Variants in NEK10 observed in about 807,000 individuals in gnomAD.
NEK10 encodes the protein serine/threonine-protein kinase Nek10.
NEK10 carries 122 observed loss-of-function variants against 159.8 expected under a neutral mutation model. That is an observed-to-expected ratio of 0.76 (90% CI 0.66 to 0.89). NEK10 has a LOEUF of 0.89. Among genes scored for constraint, NEK10 ranks in the 40% least tolerant of loss-of-function variants. NEK10 has a pLI of 0.00. For synonymous variants in NEK10, 466 were observed against 457.1 expected, an observed-to-expected ratio of 1.02 and a Z score of -0.25; for missense variants, 1,342 against 1,323.1, an observed-to-expected ratio of 1.01 and a Z score of -0.22.
intron 35 of NEK10, among the ~76,000 whole-genome samples, chr3:27,112,176 G>C (rs989974505): frequency 4.6e-5 from 7 of 152,150 alleles, no homozygotes; most frequent in Non-Finnish European, 8.8e-5. Flanking sequence ...GTCTCCTCAT[G>C]ATTTAAACAG....
intron 1 of NEK10, among the ~76,000 whole-genome samples, chr3:27,354,959 G>A (rs2048228766): frequency 6.6e-6 from 1 of 152,106 alleles, no homozygotes; most frequent in South Asian, 2.1e-4. Context: ...AAGACATACA[G>A]AATCTAGCTG....
chr3:27,170,871 C>T (rs1412184906), intron 29 of NEK10, among the ~76,000 whole-genome samples: 1 of 152,182 alleles, frequency 6.6e-6, no homozygotes, highest in Non-Finnish European at 1.5e-5. Flanking sequence ...CAGGCCCACT[C>T]CTCTGGCTCT....
chr3:27,362,601 C>CAT (rs1249000264), intron 1 of NEK10, among the ~76,000 whole-genome samples: 3 of 148,538 alleles, frequency 2.0e-5, no homozygotes, highest in African/African-American at 7.4e-5. Context: ...TGGTTTTTGC[C>CAT]ATTACTTTCA....
At chr3:27,155,050 TAA>T (rs2148769894) in intron 30 of NEK10, among the ~76,000 whole-genome samples, 1 of 152,270 alleles carries the variant, frequency 6.6e-6, no homozygotes, top group South Asian at 2.1e-4. Context: ...TTGAAAACCC[TAA>T]AGACTCCTCC....
chr3:27,166,714 C>G (rs1946518518), intron 29 of NEK10, among the ~76,000 whole-genome samples: 1 of 152,164 alleles, frequency 6.6e-6, no homozygotes, highest in Non-Finnish European at 1.5e-5. Flanking sequence ...AATCCTACCA[C>G]TTTGGGAGGC....
At chr3:27,159,373 A>G (rs1350648681) in intron 30 of NEK10, among the ~76,000 whole-genome samples, 1 of 152,166 alleles carries the variant, frequency 6.6e-6, no homozygotes, top group Non-Finnish European at 1.5e-5. Context: ...TACAGAAATA[A>G]TAACAACTTT....
intron 5 of NEK10, among the ~76,000 whole-genome samples, chr3:27,332,180 T>A (rs1024386887): frequency 2.6e-5 from 4 of 152,206 alleles, no homozygotes; most frequent in African/African-American, 7.2e-5. Flanking sequence ...TCTTAAAAAG[T>A]AAATTATGAA....
At chr3:27,145,507 A>T (rs1182452614) in intron 30 of NEK10, among the ~76,000 whole-genome samples, 2 of 152,174 alleles carry the variant, frequency 1.3e-5, no homozygotes, top group Non-Finnish European at 2.9e-5. Flanking sequence ...TATATTTGCT[A>T]GCTTACTCTG....
chr3:27,243,069 CAA>C (rs1224694990), intron 23 of NEK10, among the ~76,000 whole-genome samples: 1 of 151,990 alleles, frequency 6.6e-6, no homozygotes, highest in Non-Finnish European at 1.5e-5. Flanking sequence ...AATCCTTCTC[CAA>C]AGAGACGCTT....
intron 30 of NEK10, among the ~76,000 whole-genome samples, chr3:27,145,009 T>C (rs1170270602): frequency 6.6e-6 from 1 of 152,168 alleles, no homozygotes; most frequent in Non-Finnish European, 1.5e-5. Flanking sequence ...TTCATTTAAA[T>C]GTTATTAACT....
intron 30 of NEK10, among the ~76,000 whole-genome samples, chr3:27,161,432 C>T (rs1479947084): frequency 1.3e-5 from 2 of 152,036 alleles, no homozygotes; most frequent in East Asian, 1.9e-4. Flanking sequence ...AGTCAGTTTG[C>T]CTATATTCAC....
At chr3:27,307,523 C>T (rs1443233376) in intron 11 of NEK10, among the ~76,000 whole-genome samples, 1 of 152,126 alleles carries the variant, frequency 6.6e-6, no homozygotes, top group African/African-American at 2.4e-5. Context: ...TTGTAATATA[C>T]AATTTGAAAT....
In NEK10 at chr3:27,295,604, G is replaced by A; in HGVS notation, c.1308+9C>T. 2.6e-6 allele frequency: 4 copies of A among 1,555,142 alleles called. No homozygotes were observed. The highest frequency in any genetic ancestry group is 3.5e-6 in the Non-Finnish European group (4 of 1,147,794). On this transcript the variant is annotated intron_variant, in intron 15 of 35. Transcript: ENST00000691995. ...CTTGATACTGAAGGACAAGAGACAT[G>A]TTTATTACCTGTAATAGATTACTTT...
chr3:27,323,675 T>C (rs1478649269), intron 5 of NEK10, among the ~76,000 whole-genome samples: 1 of 152,230 alleles, frequency 6.6e-6, no homozygotes, highest in African/African-American at 2.4e-5. Context: ...ATCAGATTTC[T>C]AAAGAACTAT....
rs1377597854 is a variant in NEK10 at position 27,107,457 on chromosome 3, T to C, written c.*3815A>G. Among the ~76,000 whole-genome samples the C allele has an allele frequency of 6.6e-6, 1 of 152,230 alleles. No individual in the cohort carries two copies. The highest frequency in any genetic ancestry group is 1.5e-5 in the Non-Finnish European group (1 of 68,034). On this transcript the variant is annotated 3_prime_UTR_variant, in exon 36 of 36. Coordinates refer to ENST00000691995, the MANE Select transcript of NEK10 (RefSeq NM_001394966.1). ...AAAACAGCGTTCAAGTGTAAGCATA[T>C]TGTTAGCAACACATTTCAACTGAAA...
chr3:27,348,157 CA>C (rs2149801996), intron 3 of NEK10, among the ~76,000 whole-genome samples: 1 of 152,224 alleles, frequency 6.6e-6, no homozygotes, highest in African/African-American at 2.4e-5. Flanking sequence ...CAAATTTTCC[CA>C]TATTATACTC....
chr3:27,190,551 G>T (rs561718597), intron 26 of NEK10, among the ~76,000 whole-genome samples: 2 of 152,164 alleles, frequency 1.3e-5, no homozygotes, highest in East Asian at 1.9e-4. Flanking sequence ...TTCTCAAGGT[G>T]TTTTGCTAAA....
intron 1 of NEK10, among the ~76,000 whole-genome samples, chr3:27,361,142 C>A (rs945395366): frequency 6.6e-6 from 1 of 152,192 alleles, no homozygotes; most frequent in Non-Finnish European, 1.5e-5. Flanking sequence ...ACCACTATAA[C>A]CTCCCTATTT....
At chr3:27,184,528 T>C (rs1276928391) in intron 26 of NEK10, among the ~76,000 whole-genome samples, 4 of 152,208 alleles carry the variant, frequency 2.6e-5, no homozygotes, top group African/African-American at 9.6e-5. Flanking sequence ...CACCTAAAGA[T>C]GTGTACATTT....
Sources: allele counts gnomAD v4.1 joint callset (sites outside exome capture counted in the v4.1 genomes callset), GRCh38; gene constraint gnomAD v4.1.1; transcripts MANE v1.5; gene names NCBI Gene and HGNC (gene_info 2026-07-23, HGNC 2026-07-21).